NXPE3: variants seen among roughly 807,000 people sequenced by gnomAD.
The protein encoded by NXPE3 is NXPE family member 3.
In NXPE3, 26 loss-of-function variants were observed where a neutral mutation model predicts 46.1. The observed-to-expected ratio is 0.56, with a 90% CI of 0.41 to 0.78. The LOEUF (loss-of-function observed/expected upper bound fraction) is 0.78. Among genes scored for constraint, NXPE3 ranks in the 30% least tolerant of loss-of-function variants. NXPE3 has a pLI of 0.00. For missense variants in NXPE3, 620 were observed against 686.0 expected (o/e 0.90, Z 1.07); for synonymous variants, 272 against 257.9 (o/e 1.05, Z -0.52).
chr3:101,821,667 C>A lies in NXPE3; in HGVS notation c.1393C>A (p.Arg465=), dbSNP rs774098111. The A allele has an allele frequency of 4.3e-6, 7 of 1,614,080 alleles. No homozygotes were observed. The South Asian group carries it at 7.7e-5, about 18-fold the overall frequency. ...VYIRRLRNIR[R]AVVRLLDRSP... Reference sequence around the variant, plus strand: ...CATCCGGCGGCTCAGGAACATCCGTCGAGCAGTGGTTCGGCTCCTCGATCG... The same window carrying A: ...CATCCGGCGGCTCAGGAACATCCGTAGAGCAGTGGTTCGGCTCCTCGATCG... Residue 465 remains arginine (R), a synonymous_variant, in exon 8 of 8, where the codon CGA becomes AGA. Transcript: ENST00000273347.
At chr3:101,816,236 A>G (rs1354392400) in intron 6 of NXPE3, among the ~76,000 whole-genome samples, 1 of 151,784 alleles carries the variant, frequency 6.6e-6, no homozygotes, top group South Asian at 2.1e-4. Flanking sequence ...CTTCATGCCC[A>G]TTTCAGATCT....
chr3:101,801,253 G>C lies in NXPE3; in HGVS notation c.112G>C (p.Val38Leu). ...TCTTCAGTACTTGGACCATGAGACT[G>C]TTTCAGCCACTTTCATCGACAGCAG... ...TQVEYLDHET[V>L]SATFIDSSGQ... is the part of the protein sequence containing the mutation. Residue 38 changes from valine (V) to leucine (L), a missense_variant, in exon 5 of 8, where the codon GTT (valine) becomes CTT (leucine). Physicochemically the swap from Val to Leu is conservative, Grantham distance 32 (BLOSUM62 1). Coordinates refer to ENST00000273347, the MANE Select transcript of NXPE3 (RefSeq NM_145037.4). 1 of 1,612,276 alleles carries C rather than the reference G, an allele frequency of 6.2e-7. No homozygotes were observed. Among genetic ancestry groups the C allele is most frequent in the Non-Finnish European group, 8.5e-7 (1 of 1,179,004 alleles).
intron 1 of NXPE3, among the ~76,000 whole-genome samples, chr3:101,780,227 C>T (rs1939732928): frequency 6.6e-6 from 1 of 152,152 alleles, no homozygotes; most frequent in Admixed American, 6.5e-5. Context: ...TGTTTGGAGG[C>T]AGCAGTATAC....
At chr3:101,817,133 C>A in intron 7 of NXPE3, 132 bp downstream of exon 7, 1 of 766,536 alleles carries the variant, frequency 1.3e-6, no homozygotes, top group East Asian at 2.5e-5. Flanking sequence ...AAGAGGTACC[C>A]AAACCCTGGA....
intron 4 of NXPE3, 54 bp downstream of exon 4, chr3:101,785,743 G>A: frequency 2.1e-6 from 3 of 1,435,174 alleles, no homozygotes; most frequent in Middle Eastern, 1.9e-4. Context: ...TGGGGATCTG[G>A]GGCTAACTAG....
chr3:101,818,740 TATATATATATA>T (rs1211584195), intron 7 of NXPE3, among the ~76,000 whole-genome samples: 25 of 33,480 alleles, frequency 7.5e-4, no homozygotes, highest in African/African-American at 2.8e-3. Flanking sequence ...TATATATATA[TATATATATATA>T]TATTTTTTTT....
intron 1 of NXPE3, among the ~76,000 whole-genome samples, chr3:101,780,560 G>A (rs1426057930): frequency 6.6e-6 from 1 of 151,950 alleles, no homozygotes; most frequent in Non-Finnish European, 1.5e-5. Flanking sequence ...AATCATCTAG[G>A]GACCTTTTTA....
intron 7 of NXPE3, among the ~76,000 whole-genome samples, chr3:101,817,484 C>A (rs930070988): frequency 1.3e-5 from 2 of 152,182 alleles, no homozygotes; most frequent in Admixed American, 6.5e-5. Context: ...GCAAAGCCAT[C>A]CCTGTGTCAT....
rs1942436842 is a variant in NXPE3, at chr3:101,825,162, AC to A, written c.*3211del. On this transcript the variant is annotated 3_prime_UTR_variant, in exon 8 of 8. Coordinates refer to ENST00000273347, the MANE Select transcript of NXPE3 (RefSeq NM_145037.4). ...GATCCTCTCCCTCCTCCTACCCTCCACCCTCCAATAGACCCCAGTGTGTGTT... is the reference window on the plus strand; with the variant it reads ...GATCCTCTCCCTCCTCCTACCCTCCACCTCCAATAGACCCCAGTGTGTGTT... 1 of 151,562 alleles carries A rather than the reference AC, an allele frequency of 6.6e-6. No individual in the cohort carries two copies. Among genetic ancestry groups the A allele is most frequent in the Non-Finnish European group, 1.5e-5 (1 of 67,896 alleles). The allele number at this position is 151,562 out of a possible 1,614,324, so 9.4% of individuals were successfully genotyped here. A position where few individuals can be genotyped will look rare whatever the true frequency, so the allele number is the denominator to read the frequency against.
intron 6 of NXPE3, among the ~76,000 whole-genome samples, chr3:101,813,602 C>G (rs1315005621): frequency 6.6e-6 from 1 of 152,132 alleles, no homozygotes; most frequent in Non-Finnish European, 1.5e-5. Context: ...TAAAAAATAT[C>G]CCTTCTGGTT....
Position 101,811,829 on chromosome 3 carries a change from G to A in NXPE3, c.922+4703G>A, listed in dbSNP as rs369014845. On this transcript the variant is annotated intron_variant, in intron 6 of 7. Coordinates refer to ENST00000273347, the MANE Select transcript of NXPE3 (RefSeq NM_145037.4). ...GCTCATTAAAACTTCTGCCTCCTGGGTTCAAGCAATTCTTCTGCCTCAGCT... is the reference window on the plus strand; with the variant it reads ...GCTCATTAAAACTTCTGCCTCCTGGATTCAAGCAATTCTTCTGCCTCAGCT... Among the ~76,000 whole-genome samples, 25 of 151,276 alleles carry A rather than the reference G, an allele frequency of 1.7e-4. 1 individual carries two copies. Among genetic ancestry groups the A allele is most frequent in the Admixed American group, 8.6e-4 (13 of 15,174 alleles).
intron 6 of NXPE3, among the ~76,000 whole-genome samples, chr3:101,811,058 C>T (rs1488425754): frequency 6.6e-6 from 1 of 151,960 alleles, no homozygotes; most frequent in Non-Finnish European, 1.5e-5. Context: ...TGAGCTCAAG[C>T]GATCTACCCA....
At chr3:101,809,327 T>C (rs1442628611) in intron 6 of NXPE3, among the ~76,000 whole-genome samples, 1 of 152,194 alleles carries the variant, frequency 6.6e-6, no homozygotes, top group Admixed American at 6.5e-5. Flanking sequence ...ATTTATGGAC[T>C]ATGGAAGGAA....
At chr3:101,816,127 G>T (rs1941959636) in intron 6 of NXPE3, among the ~76,000 whole-genome samples, 1 of 152,154 alleles carries the variant, frequency 6.6e-6, no homozygotes, top group African/African-American at 2.4e-5. Context: ...TTGTGCCACT[G>T]CACTCCAGCC....
intron 7 of NXPE3, among the ~76,000 whole-genome samples, chr3:101,819,085 A>T (rs548769413): frequency 4.1e-4 from 62 of 152,024 alleles, no homozygotes; most frequent in African/African-American, 1.4e-3. Flanking sequence ...TTATATTCTG[A>T]TGTTACTTTT....
rs575054464 is a variant in NXPE3 at position 101,806,458 on chromosome 3, G to A, written c.849-595G>A. On this transcript the variant is annotated intron_variant, in intron 5 of 7. Transcript: ENST00000273347. The stretch of plus-strand genomic sequence containing the variant: ...GTGCTAGGATACAAAGATGAATGAG[G>A]CACCACCCTTATCTTCGAGTAGTAT... Among the ~76,000 whole-genome samples, 19 of 152,144 alleles carry A rather than the reference G, an allele frequency of 1.2e-4. 1 individual carries two copies. The highest frequency in any genetic ancestry group is 4.6e-4 in the African/African-American group (19 of 41,504).
Sources: gnomAD v4.1 joint callset for allele counts (sites outside exome capture counted in the v4.1 genomes callset) on GRCh38, gnomAD v4.1.1 for gene constraint, MANE v1.5 for transcripts, NCBI Gene and HGNC (gene_info 2026-07-23, HGNC 2026-07-21) for gene names.